The following PAX7 variants were observed in gnomAD, a reference collection of about 807,000 sequenced individuals.
The protein encoded by PAX7 is paired box protein Pax-7.
Under a neutral mutation model 50.7 loss-of-function variants are expected in PAX7, and 18 were observed. That is an observed-to-expected ratio of 0.36 (90% CI 0.25 to 0.53). PAX7 has a LOEUF of 0.53. Among genes scored for constraint, PAX7 ranks in the 20% least tolerant of loss-of-function variants. The pLI, the probability that PAX7 is intolerant of heterozygous loss-of-function variation, is 0.93. For missense variants in PAX7, 644 were observed against 702.9 expected (o/e 0.92, Z 0.95); for synonymous variants, 310 against 290.4 (o/e 1.07, Z -0.69).
intron 7 of PAX7, among the ~76,000 whole-genome samples, chr1:18,725,723 A>G (rs2089557086): frequency 6.6e-6 from 1 of 152,198 alleles, no homozygotes; most frequent in African/African-American, 2.4e-5. Context: ...CGCTCCGAGC[A>G]GAGTCACTCT....
chr1:18,641,747 G>A (rs921175863), intron 4 of PAX7, among the ~76,000 whole-genome samples: 2 of 152,252 alleles, frequency 1.3e-5, no homozygotes, highest in Non-Finnish European at 2.9e-5. Flanking sequence ...TGGAATGGTG[G>A]AGGGGAGATT....
rs562933748 is a variant in PAX7 at position 18,718,655 on chromosome 1, T to C, written c.1155+15359T>C. Among the ~76,000 whole-genome samples the C allele has an allele frequency of 1.2e-4, 18 of 151,948 alleles. No homozygotes were observed. In the East Asian group the frequency reaches 3.5e-3, roughly 30 times the overall value. ...CCACGCCTTGACCCTTCCTTTTTTT[T>C]TTTTTGAGATGGGAGTCTCGCTGTG... On this transcript the variant is annotated intron_variant, in intron 7 of 8. Coordinates refer to ENST00000420770, the MANE Select transcript of PAX7 (RefSeq NM_001135254.2).
chr1:18,716,049 C>A (rs1206568183), intron 7 of PAX7, among the ~76,000 whole-genome samples: 1 of 152,148 alleles, frequency 6.6e-6, no homozygotes, highest in Non-Finnish European at 1.5e-5. Flanking sequence ...GGCTCCCTAA[C>A]CTTCCCCACC....
chr1:18,638,939 T>G (rs2088204628), intron 4 of PAX7, among the ~76,000 whole-genome samples: 1 of 152,208 alleles, frequency 6.6e-6, no homozygotes, highest in African/African-American at 2.4e-5. Flanking sequence ...AGATGCCCCA[T>G]GGCCAGAGCA....
chr1:18,672,452 C>A (rs1022526474), intron 4 of PAX7, among the ~76,000 whole-genome samples: 1 of 152,160 alleles, frequency 6.6e-6, no homozygotes, highest in Admixed American at 6.5e-5. Context: ...ACCCACCCAG[C>A]AGAACCATGG....
At chr1:18,686,984 A>G (rs1452459763) in intron 4 of PAX7, among the ~76,000 whole-genome samples, 1 of 150,866 alleles carries the variant, frequency 6.6e-6, no homozygotes, top group East Asian at 1.9e-4. Flanking sequence ...TCCACCTCCC[A>G]GATAGAAGTG....
chr1:18,667,580 G>A (rs1045307205), intron 4 of PAX7, among the ~76,000 whole-genome samples: 4 of 152,108 alleles, frequency 2.6e-5, no homozygotes, highest in Admixed American at 6.6e-5. Flanking sequence ...TGGAGGATGC[G>A]GTGGAGGGAT....
chr1:18,739,753 A>G (rs1476871479), intron 8 of PAX7, among the ~76,000 whole-genome samples: 1 of 151,520 alleles, frequency 6.6e-6, no homozygotes, highest in Non-Finnish European at 1.5e-5. Flanking sequence ...GGACACCTTC[A>G]CTCCTTTTCC....
In PAX7 at chr1:18,631,386, A is replaced by G. The variant is rs1310485948; in HGVS notation, c.-218A>G. The G allele has an allele frequency of 1.8e-6, 1 of 553,776 alleles. No homozygotes were observed. Among genetic ancestry groups the G allele is most frequent in the African/African-American group, 1.9e-5 (1 of 52,250 alleles). 34.3% of individuals were successfully genotyped at this position (553,776 alleles called of 1,614,324 possible). On this transcript the variant is annotated 5_prime_UTR_variant, in exon 1 of 9. Coordinates refer to ENST00000420770, the MANE Select transcript of PAX7 (RefSeq NM_001135254.2). The stretch of plus-strand genomic sequence containing the variant: ...GTCGTCGCCACCTTCCCTCCCCCCA[A>G]CCTCCACCCCACCTCACCCCCCTCC...
intron 4 of PAX7, among the ~76,000 whole-genome samples, chr1:18,650,591 C>T (rs998988726): frequency 1.3e-5 from 2 of 152,232 alleles, no homozygotes; most frequent in African/African-American, 4.8e-5. Context: ...TGATTTGGGA[C>T]ATCTGAGTAC....
chr1:18,661,959 T>C (rs1373888911), intron 4 of PAX7, among the ~76,000 whole-genome samples: 1 of 152,170 alleles, frequency 6.6e-6, no homozygotes, highest in East Asian at 1.9e-4. Flanking sequence ...TCAAAGACGA[T>C]TTCCAGGGAG....
intron 4 of PAX7, among the ~76,000 whole-genome samples, chr1:18,661,366 T>C (rs1334728874): frequency 6.6e-6 from 1 of 152,232 alleles, no homozygotes; most frequent in African/African-American, 2.4e-5. Flanking sequence ...AGAAACTTTC[T>C]GATCTCTCCT....
chr1:18,725,303 C>CA (rs1491329004), intron 7 of PAX7, among the ~76,000 whole-genome samples: 1 of 23,494 alleles, frequency 4.3e-5, no homozygotes, highest in Non-Finnish European at 9.5e-5. Flanking sequence ...GGTGGAGACG[C>CA]CCCCCCCCCG....
chr1:18,664,714 A>C (rs2088644130), intron 4 of PAX7, among the ~76,000 whole-genome samples: 2 of 152,060 alleles, frequency 1.3e-5, no homozygotes, highest in Admixed American at 1.3e-4. Context: ...GGGACCATCT[A>C]GTCCTATCCC....
At chr1:18,727,375 C>T (rs151184636) in intron 7 of PAX7, among the ~76,000 whole-genome samples, 41 of 33,772 alleles carry the variant, frequency 1.2e-3, no homozygotes, top group African/African-American at 0.011. Flanking sequence ...CTCTCATACA[C>T]ACACACACAC....
chr1:18,727,102 TA>T (rs547985459), intron 7 of PAX7, among the ~76,000 whole-genome samples: 3 of 151,832 alleles, frequency 2.0e-5, no homozygotes, highest in Non-Finnish European at 2.9e-5. Flanking sequence ...CAGAAACACA[TA>T]AAAAATTCAC....
chr1:18,711,789 G>T (rs1396091899), intron 7 of PAX7, among the ~76,000 whole-genome samples: 1 of 152,176 alleles, frequency 6.6e-6, no homozygotes, highest in Non-Finnish European at 1.5e-5. Flanking sequence ...GACCAGTGCG[G>T]TTGGTACAGA....
chr1:18,635,234 C>T lies in PAX7; in HGVS notation c.445C>T (p.Pro149Ser). 1.2e-6 allele frequency: 2 copies of T among 1,613,356 alleles called. No individual in the cohort carries two copies. The highest frequency in any genetic ancestry group is 1.7e-6 in the Non-Finnish European group (2 of 1,179,654). Residue 149 changes from proline to serine, a missense_variant, in exon 3 of 9, where the codon CCC becomes TCC. Transcript: ENST00000420770. ...TGGGCACTGTGACCGAAGCACTGTG[C>T]CCTCAGGTGAGAAGGCAGCTGAGCC... ...KDGHCDRSTV[P>S]SGLVSSISRV...
chr1:18,703,205 G>A lies in PAX7; in HGVS notation c.1064G>A (p.Arg355His), dbSNP rs866230294. 15 of 1,613,934 alleles carry A rather than the reference G, an allele frequency of 9.3e-6. No individual in the cohort carries two copies. Among genetic ancestry groups the A allele is most frequent in the East Asian group, 2.2e-5 (1 of 44,896 alleles). The part of the protein sequence containing the change: ...AADTSSAYGA[R>H]HSFSSYSDSF... ...GACACCAGCTCTGCCTACGGAGCCC[G>A]CCACAGCTTCTCCAGCTACTCTGAC... Residue 355 changes from arginine to histidine, a missense_variant, in exon 7 of 9, where the codon CGC becomes CAC. Physicochemically the swap from Arg to His is conservative, Grantham distance 29. Coordinates refer to ENST00000420770, the MANE Select transcript of PAX7 (RefSeq NM_001135254.2).
Sources: allele counts gnomAD v4.1 joint callset (sites outside exome capture counted in the v4.1 genomes callset), GRCh38; gene constraint gnomAD v4.1.1; transcripts MANE v1.5; gene names NCBI Gene and HGNC (gene_info 2026-07-23, HGNC 2026-07-21).